MMP10: variants seen among roughly 807,000 people sequenced by gnomAD.
The protein encoded by MMP10 is stromelysin-2.
MMP10 carries 50 observed loss-of-function variants against 49.1 expected under a neutral mutation model. That is an observed-to-expected ratio of 1.02 (90% CI 0.81 to 1.29). MMP10 has a LOEUF of 1.29. Ranked by LOEUF, MMP10 falls within the 50% of genes most tolerant of loss-of-function variation. The pLI, the probability that MMP10 is intolerant of heterozygous loss-of-function variation, is 0.00. For missense variants in MMP10, 613 were observed against 563.8 expected, an observed-to-expected ratio of 1.09 and a Z score of -0.88; for synonymous variants, 229 against 201.6, an observed-to-expected ratio of 1.14 and a Z score of -1.15.
At chr11:102,780,460 G>C (rs929157504) in intron 1 of MMP10, 27 bp downstream of exon 1, 7 of 1,595,072 alleles carry the variant, frequency 4.4e-6, no homozygotes, top group Non-Finnish European at 6.0e-6. Context: ...CTGGCCAGTA[G>C]CTGCAATAGA....
chr11:102,779,477 T>A, intron 2 of MMP10, 27 bp downstream of exon 2: 1 of 1,612,388 alleles, frequency 6.2e-7, no homozygotes, highest in African/African-American at 1.3e-5. Context: ...GTTTCAATAT[T>A]ATGTGAAAAC....
At position 102,772,792 on chromosome 11, in the gene MMP10, AG is replaced by A; in HGVS notation, c.1226+54del. The A allele has an allele frequency of 6.4e-7, 1 of 1,557,726 alleles. No homozygotes were observed. Among genetic ancestry groups the A allele is most frequent in the Non-Finnish European group, 8.7e-7 (1 of 1,150,550 alleles). ...AGGGTAGGGAAATATCCTTAAAGAAAGAAAATAATTTTCTTAATCAGGCTTC... is the reference window on the plus strand; with the variant it reads ...AGGGTAGGGAAATATCCTTAAAGAAAAAAATAATTTTCTTAATCAGGCTTC... On this transcript the variant is annotated intron_variant, in intron 8 of 9. Coordinates refer to ENST00000279441, the MANE Select transcript of MMP10 (RefSeq NM_002425.3). The surrounding 1 kb of genome is among the most constrained non-coding windows in gnomAD (Gnocchi z 4.4).
chr11:102,778,872 A>T (rs1857783719), intron 3 of MMP10, 123 bp from the exon 4 acceptor site: 1 of 1,172,994 alleles, frequency 8.5e-7, no homozygotes, highest in Non-Finnish European at 1.2e-6. Flanking sequence ...ATATGTTGAA[A>T]CTCAATGCCC....
intron 6 of MMP10, among the ~76,000 whole-genome samples, chr11:102,776,066 C>A (rs1857728307): frequency 6.6e-6 from 1 of 151,690 alleles, no homozygotes; most frequent in Admixed American, 6.6e-5. Flanking sequence ...CTCTGTCAAG[C>A]AGAAAAAGTA....
In MMP10 at chr11:102,779,152, A is replaced by G. The variant is rs567161627; in HGVS notation, c.496+61T>C. On this transcript the variant is annotated intron_variant, in intron 3 of 9. Transcript: ENST00000279441. ...TTTATAAATTACCCAGTCTAAGGTA[A>G]CTTGCTATAGCAGTCTGAACAGATG... 5.2e-5 allele frequency: 82 copies of G among 1,578,362 alleles called. No individual in the cohort carries two copies. The African/African-American group carries it at 1.1e-3, about 20-fold the overall frequency.
At chr11:102,777,540 C>A (rs1414377392) in intron 4 of MMP10, among the ~76,000 whole-genome samples, 1 of 152,070 alleles carries the variant, frequency 6.6e-6, no homozygotes, top group Non-Finnish European at 1.5e-5. Flanking sequence ...CAGGCATTAG[C>A]CACTGGTGCC....
rs954322250 is a variant in MMP10, at chr11:102,780,341, T to C, written c.105+146A>G. ...TCTTCTCTGTTAACATAAAAATAAT[T>C]TCCACCTCCAGCCTGTTAATTATTC... On this transcript the variant is annotated intron_variant, in intron 1 of 9. Transcript: ENST00000279441. The C allele has an allele frequency of 1.1e-5, 7 of 648,002 alleles. No individual in the cohort carries two copies. The African/African-American group carries it at 1.1e-4, about 10-fold the overall frequency. The allele number at this position is 648,002 out of a possible 1,614,324, so 40.1% of individuals were successfully genotyped here.
chr11:102,773,291 G>C (rs1434338898), intron 7 of MMP10, among the ~76,000 whole-genome samples: 1 of 151,892 alleles, frequency 6.6e-6, no homozygotes, highest in African/African-American at 2.4e-5. Context: ...TATAATTGTT[G>C]GTAAACTTTT....
chr11:102,776,248 A>G (rs1857730844), intron 6 of MMP10, 32 bp downstream of exon 6: 2 of 1,589,230 alleles, frequency 1.3e-6, no homozygotes, highest in Admixed American at 1.8e-5. Flanking sequence ...CATCAAAAGA[A>G]TAGATAGGAA....
rs973367044 is a variant in MMP10, at chr11:102,779,347, G to A, written c.362C>T (p.Thr121Ile). The A allele has an allele frequency of 1.2e-6, 2 of 1,613,876 alleles. No homozygotes were observed. Among genetic ancestry groups the A allele is most frequent in the Non-Finnish European group, 1.7e-6 (2 of 1,179,926 alleles). The change falls in exon 3 of 10, where the codon ACA (threonine) becomes ATA (isoleucine). Residue 121 changes from threonine to isoleucine, a missense_variant. Coordinates refer to ENST00000279441, the MANE Select transcript of MMP10 (RefSeq NM_002425.3). ...THLTYRIVNYTPDLPRDAVDS... is the reference protein window; with the variant it reads ...THLTYRIVNYIPDLPRDAVDS... The stretch of plus-strand genomic sequence containing the variant: ...AACAGCATCTCTTGGCAAATCTGGT[G>A]TATAATTCACAATCCTGGAGGAGAA...
chr11:102,779,761 A>T lies in MMP10; in HGVS notation c.106-16T>A. ...CTAGGTATTGCTAATGGAAAATAGA[A>T]TTTTTAGGGCATTTTTGTGATTTTC... is the stretch of plus-strand genomic sequence containing the variant. On this transcript the variant is annotated splice_polypyrimidine_tract_variant and intron_variant, in intron 1 of 9. Transcript: ENST00000279441. 6.3e-7 allele frequency: 1 copy of T among 1,593,138 alleles called. No individual in the cohort carries two copies. The highest frequency in any genetic ancestry group is 8.6e-7 in the Non-Finnish European group (1 of 1,166,756).
At chr11:102,771,530 T>C (rs12290253) in intron 9 of MMP10, among the ~76,000 whole-genome samples, 34,426 of 152,078 alleles carry the variant, frequency 0.23, 4,460 homozygotes, top group African/African-American at 0.35. Flanking sequence ...TTGACCTATT[T>C]TGAGCATATG....
intron 3 of MMP10, 143 bp downstream of exon 3, chr11:102,779,069 TG>T: frequency 1.7e-6 from 2 of 1,201,608 alleles, no homozygotes; most frequent in Non-Finnish European, 2.3e-6. Flanking sequence ...CTAAATCTGC[TG>T]GCACCTTAAT....
At position 102,779,321 on chromosome 11, in the gene MMP10, C is replaced by CT. The variant is rs770071084; in HGVS notation, c.387_388insA (p.Asp130ArgfsTer5). 7.8e-4 allele frequency: 1,256 copies of CT among 1,614,014 alleles called. 1 individual carries two copies. Among genetic ancestry groups the CT allele is most frequent in the Non-Finnish European group, 1.0e-3 (1,177 of 1,180,026 alleles). On this transcript the variant is annotated frameshift_variant, in exon 3 of 10. Coordinates refer to ENST00000279441, the MANE Select transcript of MMP10 (RefSeq NM_002425.3). LOFTEE classifies it high-confidence loss of function. ...TTCAGAGCTTTCTCAATGGCAGAAT[C>CT]AACAGCATCTCTTGGCAAATCTGGT...
In MMP10 at chr11:102,776,752, G is replaced by C. The variant is rs746580022; in HGVS notation, c.647C>G (p.Ala216Gly). Reference sequence around the variant, plus strand: ...CCCCAGGGAGTGGCCAAGTTCATGAGCAGCAACGAGGAATAAATTGGTGCC... The same window carrying C: ...CCCCAGGGAGTGGCCAAGTTCATGACCAGCAACGAGGAATAAATTGGTGCC... ...ASGTNLFLVA[A>G]HELGHSLGLF... The change falls in exon 5 of 10, where the codon GCT becomes GGT. Residue 216 changes from alanine (A) to glycine (G), a missense_variant. Physicochemically the swap from Ala to Gly is moderately conservative, Grantham distance 60. Coordinates refer to ENST00000279441, the MANE Select transcript of MMP10 (RefSeq NM_002425.3). 6 of 1,613,874 alleles carry C rather than the reference G, an allele frequency of 3.7e-6. No homozygotes were observed. Among genetic ancestry groups the C allele is most frequent in the Non-Finnish European group, 5.1e-6 (6 of 1,179,928 alleles).
At position 102,778,643 on chromosome 11, in the gene MMP10, T is replaced by G; in HGVS notation, c.603A>C (p.Lys201Asn). The change falls in exon 4 of 10, where the codon AAA becomes AAC. Residue 201 changes from lysine (K) to asparagine (N), a missense_variant. By Grantham distance (94) the Lys-to-Asn change is moderately conservative (BLOSUM62 0). Coordinates refer to ENST00000279441, the MANE Select transcript of MMP10 (RefSeq NM_002425.3). ...YGDIHFDDDE[K>N]WTEDASGTNL... ...ACCCACCTGATGCATCTTCTGTCCATTTTTCATCATCATCAAAGTGAATAT... is the reference window on the plus strand; with the variant it reads ...ACCCACCTGATGCATCTTCTGTCCAGTTTTCATCATCATCAAAGTGAATAT... 1 of 1,613,900 alleles carries G rather than the reference T, an allele frequency of 6.2e-7. No individual in the cohort carries two copies. The highest frequency in any genetic ancestry group is 8.5e-7 in the Non-Finnish European group (1 of 1,179,884).
chr11:102,778,580 T>C, intron 4 of MMP10, 44 bp downstream of exon 4: 1 of 1,607,256 alleles, frequency 6.2e-7, no homozygotes, highest in Non-Finnish European at 8.5e-7. Context: ...TTGGGTAGGA[T>C]TGGACATTAT....
chr11:102,779,255 A>G lies in MMP10; in HGVS notation c.454T>C (p.Tyr152His). Residue 152 changes from tyrosine to histidine, a missense_variant, in exon 3 of 10, where the codon TAT becomes CAT. By Grantham distance (83) the Tyr-to-His change is moderately conservative. Transcript: ENST00000279441. Reference sequence around the variant, plus strand: ...ATCATTATATCAGCCTCTCCTTCATACAGCCTGGAGAATGTGAGTGGAGTC... The same window carrying G: ...ATCATTATATCAGCCTCTCCTTCATGCAGCCTGGAGAATGTGAGTGGAGTC... ...EVTPLTFSRL[Y>H]EGEADIMISF... The G allele has an allele frequency of 6.2e-7, 1 of 1,614,044 alleles. No homozygotes were observed. The highest frequency in any genetic ancestry group is 1.1e-5 in the South Asian group (1 of 91,074).
chr11:102,776,526 C>G, intron 5 of MMP10, 86 bp downstream of exon 5: 1 of 1,575,008 alleles, frequency 6.3e-7, no homozygotes, highest in South Asian at 1.2e-5. Context: ...CAGGCCAAAT[C>G]AGAAATACTT....
Sources: gnomAD v4.1 joint callset for allele counts (sites outside exome capture counted in the v4.1 genomes callset) on GRCh38, gnomAD v4.1.1 for gene constraint, Gnocchi (gnomAD v3.1) non-coding constraint, MANE v1.5 for transcripts, NCBI Gene and HGNC (gene_info 2026-07-23, HGNC 2026-07-21) for gene names.